The following TPD52L1 variants were observed in gnomAD, a reference collection of about 807,000 sequenced individuals.
The protein encoded by TPD52L1 is TPD52 like 1, also known as tumor protein D53.
A neutral mutation model predicts 28.7 loss-of-function variants in TPD52L1; 18 were observed. That is an observed-to-expected ratio of 0.63 (90% confidence interval 0.43 to 0.93). TPD52L1 has a LOEUF of 0.93. Among genes scored for constraint, TPD52L1 ranks in the 40% least tolerant of loss-of-function variants. The probability of loss-of-function intolerance (pLI) is 0.00; values close to 1 mark genes in which losing one functional copy is unlikely to be tolerated. For synonymous variants in TPD52L1, 75 were observed against 88.8 expected (o/e 0.84, Z 0.88); for missense variants, 203 against 254.8 (o/e 0.80, Z 1.39).
rs188401892 is a variant in TPD52L1 at position 125,257,979 on chromosome 6, C to T, written c.486+821C>T. On this transcript the variant is annotated intron_variant, in intron 6 of 6. Coordinates refer to ENST00000534000, the MANE Select transcript of TPD52L1 (RefSeq NM_003287.4). ...CATAACTGGGAAAATTAAGAATATACGTGATCTTTAACCAGATCAAAAACC... is the reference window on the plus strand; with the variant it reads ...CATAACTGGGAAAATTAAGAATATATGTGATCTTTAACCAGATCAAAAACC... Among the ~76,000 whole-genome samples, 20 of 152,300 alleles carry T rather than the reference C, an allele frequency of 1.3e-4. 1 individual carries two copies. The highest frequency in any genetic ancestry group is 3.4e-3 in the Middle Eastern group (1 of 294).
In TPD52L1 at chr6:125,177,974, T is replaced by A. The variant is rs943267127; in HGVS notation, c.19+24004T>A. Reference sequence around the variant, plus strand: ...TAAAAAGTGAATCTAAAAATTCTCTTTAGCTGTTTCAATATTACTTACAAA... The same window carrying A: ...TAAAAAGTGAATCTAAAAATTCTCTATAGCTGTTTCAATATTACTTACAAA... On this transcript the variant is annotated intron_variant, in intron 1 of 6. Transcript: ENST00000534000. Among the ~76,000 whole-genome samples, 6 of 152,338 alleles carry A rather than the reference T, an allele frequency of 3.9e-5. No individual in the cohort carries two copies. The East Asian group carries it at 9.6e-4, about 24-fold the overall frequency.
chr6:125,236,446 A>G (rs554830004), intron 3 of TPD52L1, among the ~76,000 whole-genome samples: 6 of 152,226 alleles, frequency 3.9e-5, no homozygotes, highest in Non-Finnish European at 7.3e-5. Context: ...CTAGCTAGCT[A>G]TATTTAAATT....
At chr6:125,207,975 C>A (rs1301042560) in intron 1 of TPD52L1, among the ~76,000 whole-genome samples, 2 of 152,180 alleles carry the variant, frequency 1.3e-5, no homozygotes, top group African/African-American at 4.8e-5. Flanking sequence ...AAAAGAAACA[C>A]ACACATTTAT....
chr6:125,154,539 C>A, intron 1 of TPD52L1: 2 of 938,274 alleles, frequency 2.1e-6, no homozygotes, highest in Non-Finnish European at 2.4e-6. Flanking sequence ...ACACGTGAGT[C>A]CCGGTTTCCG....
chr6:125,248,050 G>T (rs1797024356), intron 3 of TPD52L1, among the ~76,000 whole-genome samples: 1 of 152,146 alleles, frequency 6.6e-6, no homozygotes, highest in Non-Finnish European at 1.5e-5. Context: ...ATCTGTATTT[G>T]TATTTGTATC....
rs1791535862 is a variant in TPD52L1, at chr6:125,172,545, T to TATA, written c.19+18576_19+18578dup. On this transcript the variant is annotated intron_variant, in intron 1 of 6. Transcript: ENST00000534000. ...ATATATATATATATATATATATATA[T>TATA]ATATATAATATATATACTATATGGC... is the stretch of plus-strand genomic sequence containing the variant. Among the ~76,000 whole-genome samples, 4 of 99,654 alleles carry TATA rather than the reference T, an allele frequency of 4.0e-5. 1 individual carries two copies. The highest frequency in any genetic ancestry group is 4.3e-3 in the Middle Eastern group (1 of 234). 65.4% of individuals were successfully genotyped at this position (99,654 alleles called of 152,430 possible).
Position 125,172,183 on chromosome 6 carries a change from TTC to T in TPD52L1, c.19+18215_19+18216del, listed in dbSNP as rs1249243089. Among the ~76,000 whole-genome samples the T allele has an allele frequency of 2.2e-5, 3 of 136,020 alleles. No homozygotes were observed. In the East Asian group the frequency reaches 6.6e-4, roughly 30 times the overall value. The allele number at this position is 136,020 out of a possible 152,430, so 89.2% of individuals were successfully genotyped here. On this transcript the variant is annotated intron_variant, in intron 1 of 6. Coordinates refer to ENST00000534000, the MANE Select transcript of TPD52L1 (RefSeq NM_003287.4). Reference sequence around the variant, plus strand: ...TTTCTTTCTTTCTTTCTTTCTTTCTTTCTTTCTTTCTTTCTTTCTTTCTTCTT... The same window carrying T: ...TTTCTTTCTTTCTTTCTTTCTTTCTTTTTCTTTCTTTCTTTCTTTCTTCTT...
chr6:125,260,007 C>T (rs1341803952), intron 6 of TPD52L1: 1 of 152,168 alleles, frequency 6.6e-6, no homozygotes, highest in African/African-American at 2.4e-5. Flanking sequence ...AAATTGATTT[C>T]TTACAAAGCC....
intron 1 of TPD52L1, among the ~76,000 whole-genome samples, chr6:125,204,582 C>T (rs1023602969): frequency 1.4e-4 from 21 of 152,140 alleles, no homozygotes; most frequent in African/African-American, 4.8e-4. Flanking sequence ...TGGGTTCACG[C>T]CATTCTCCTG....
chr6:125,196,536 A>G (rs1276163740), intron 1 of TPD52L1, among the ~76,000 whole-genome samples: 1 of 152,260 alleles, frequency 6.6e-6, no homozygotes, highest in African/African-American at 2.4e-5. Flanking sequence ...ACTACATTAA[A>G]AAGTTATTGA....
At chr6:125,212,751 C>A (rs1478728304) in intron 1 of TPD52L1, among the ~76,000 whole-genome samples, 1 of 152,194 alleles carries the variant, frequency 6.6e-6, no homozygotes, top group Non-Finnish European at 1.5e-5. Context: ...AGGCTGGGAG[C>A]AGACCACAGT....
At chr6:125,234,671 A>G (rs1254695398) in intron 3 of TPD52L1, among the ~76,000 whole-genome samples, 3 of 152,284 alleles carry the variant, frequency 2.0e-5, no homozygotes, top group Non-Finnish European at 4.4e-5. Context: ...CAAGTCAATC[A>G]AGGTATTAGT....
Position 125,262,919 on chromosome 6 carries a change from C to G in TPD52L1, c.572C>G (p.Ala191Gly). ...GCCCATGCCAGTGCCCAGAGCTTGG[C>G]AGGAGGCTCCCGGCGGACCAAGGAG... ...STAHASAQSL[A>G]GGSRRTKEEE... Residue 191 changes from alanine to glycine, a missense_variant, in exon 7 of 7, where the codon GCA (alanine) becomes GGA (glycine). Transcript: ENST00000534000. 4 of 1,614,204 alleles carry G rather than the reference C, an allele frequency of 2.5e-6. No homozygotes were observed. The highest frequency in any genetic ancestry group is 3.4e-6 in the Non-Finnish European group (4 of 1,180,022).
intron 1 of TPD52L1, among the ~76,000 whole-genome samples, chr6:125,214,875 A>C (rs1404453210): frequency 6.6e-6 from 1 of 152,218 alleles, no homozygotes; most frequent in African/African-American, 2.4e-5. Flanking sequence ...ACAATCCTAC[A>C]AGGTATCCAT....
intron 6 of TPD52L1, chr6:125,260,890 AAG>A (rs1367813156): frequency 6.7e-6 from 1 of 149,220 alleles, no homozygotes; most frequent in Non-Finnish European, 1.5e-5. Context: ...AGAAAAAGAA[AAG>A]AGAGGGAGAA....
rs1794151054 is a variant in TPD52L1, at chr6:125,206,480, G to A, written c.20-13598G>A. On this transcript the variant is annotated intron_variant, in intron 1 of 6. Coordinates refer to ENST00000534000, the MANE Select transcript of TPD52L1 (RefSeq NM_003287.4). ...TTCTAGTGCTGTTGGCAATTTGGTA[G>A]GATTCTTACAAGAGAAACAGAGGAA... Among the ~76,000 whole-genome samples the A allele has an allele frequency of 2.0e-5, 3 of 152,102 alleles. No homozygotes were observed. The South Asian group carries it at 6.2e-4, about 32-fold the overall frequency.
chr6:125,172,248 C>G (rs1288509083), intron 1 of TPD52L1, among the ~76,000 whole-genome samples: 1 of 134,020 alleles, frequency 7.5e-6, no homozygotes, highest in African/African-American at 2.8e-5. Flanking sequence ...TCCTTTCTTC[C>G]TTTCTTTTCC....
intron 1 of TPD52L1, among the ~76,000 whole-genome samples, chr6:125,185,865 A>T (rs1792575433): frequency 6.6e-6 from 1 of 151,768 alleles, no homozygotes; most frequent in South Asian, 2.1e-4. Context: ...GAAGATAGAG[A>T]ATACCATGTA....
chr6:125,191,068 T>C (rs915135853), intron 1 of TPD52L1, among the ~76,000 whole-genome samples: 1 of 152,210 alleles, frequency 6.6e-6, no homozygotes, highest in Non-Finnish European at 1.5e-5. Context: ...TCGTGTAACA[T>C]TATGTGGAAT....
Sources: allele counts gnomAD v4.1 joint callset (sites outside exome capture counted in the v4.1 genomes callset), GRCh38; gene constraint gnomAD v4.1.1; transcripts MANE v1.5; gene names NCBI Gene and HGNC (gene_info 2026-07-23, HGNC 2026-07-21).